Variants in MMAB observed in about 807,000 individuals in gnomAD.
MMAB encodes metabolism of cobalamin associated B.
MMAB carries 17 observed loss-of-function variants against 30.6 expected under a neutral mutation model. The observed-to-expected ratio is 0.56, with a 90% CI of 0.38 to 0.83. The LOEUF (loss-of-function observed/expected upper bound fraction) is 0.83. MMAB is among the 40% of genes least tolerant of loss of function. The pLI, the probability that MMAB is intolerant of heterozygous loss-of-function variation, is 0.00. For synonymous variants in MMAB, 134 were observed against 138.6 expected, an observed-to-expected ratio of 0.97 and a Z score of 0.23; for missense variants, 311 against 331.6, an observed-to-expected ratio of 0.94 and a Z score of 0.48.
At chr12:109,560,970 T>TGGGGGGGGGC in intron 7 of MMAB, 70 bp downstream of exon 7, 2 of 808,200 alleles carry the variant, frequency 2.5e-6, no homozygotes, top group East Asian at 2.8e-5. Context: ...CTCCTCTCCC[T>TGGGGGGGGGC]CTCCCTCCCC....
rs1036985992 is a variant in MMAB, at chr12:109,558,714, C to G, written c.644+382G>C. Among the ~76,000 whole-genome samples, 9 of 152,090 alleles carry G rather than the reference C, an allele frequency of 5.9e-5. No individual in the cohort carries two copies. Among genetic ancestry groups the G allele is most frequent in the Non-Finnish European group, 1.3e-4 (9 of 67,988 alleles). On this transcript the variant is annotated intron_variant, in intron 8 of 8. Coordinates refer to ENST00000545712, the MANE Select transcript of MMAB (RefSeq NM_052845.4). The surrounding 1 kb of genome is among the most constrained non-coding windows in gnomAD (Gnocchi z 4.3). ...CGCAGGCCCTCTCGGGGACAGGAAACTGGCTGAGAGAGGGCCTGAAGCCTG... is the reference window on the plus strand; with the variant it reads ...CGCAGGCCCTCTCGGGGACAGGAAAGTGGCTGAGAGAGGGCCTGAAGCCTG...
At chr12:109,570,873 CAAAA>C (rs111235348) in intron 2 of MMAB, among the ~76,000 whole-genome samples, 5 of 92,370 alleles carry the variant, frequency 5.4e-5, no homozygotes, top group African/African-American at 7.9e-5. Context: ...AACCCTGTAT[CAAAA>C]AAAAAAAAAA....
intron 2 of MMAB, among the ~76,000 whole-genome samples, chr12:109,570,305 C>G (rs1884588553): frequency 6.6e-6 from 1 of 152,068 alleles, no homozygotes; most frequent in South Asian, 2.1e-4. Flanking sequence ...TGCTTCCTAA[C>G]AGGATTCAAT....
Position 109,561,419 on chromosome 12 carries a change from C to A in MMAB, c.519+1G>T. The A allele has an allele frequency of 6.4e-7, 1 of 1,550,648 alleles. No individual in the cohort carries two copies. Among genetic ancestry groups the A allele is most frequent in the Non-Finnish European group, 8.7e-7 (1 of 1,146,750 alleles). Reference sequence around the variant, plus strand: ...CCCGGTTAAGCCTGCCCAGTACCTACAGGCAGGATGAAGGCCGTGAGTGGT... The same window carrying A: ...CCCGGTTAAGCCTGCCCAGTACCTAAAGGCAGGATGAAGGCCGTGAGTGGT... On this transcript the variant is annotated splice_donor_variant, in intron 6 of 8. Coordinates refer to ENST00000545712, the MANE Select transcript of MMAB (RefSeq NM_052845.4). LOFTEE classifies it high-confidence loss of function. The surrounding 1 kb of genome is among the most constrained non-coding windows in gnomAD (Gnocchi z 5.3).
chr12:109,573,378 G>A lies in MMAB; in HGVS notation c.103C>T (p.Arg35Cys), dbSNP rs991822103. Residue 35 changes from arginine (R) to cysteine (C), a missense_variant, in exon 1 of 9, where the codon CGC becomes TGC. Coordinates refer to ENST00000545712, the MANE Select transcript of MMAB (RefSeq NM_052845.4). ...ARLLYPRFQS[R>C]GPQGVEDGDR... ...CCGTCTTCCACGCCCTGAGGGCCGC[G>A]GCTCTGGAAACGGGGATACAGGAGC... 1 of 1,612,916 alleles carries A rather than the reference G, an allele frequency of 6.2e-7. No homozygotes were observed. The highest frequency in any genetic ancestry group is 8.5e-7 in the Non-Finnish European group (1 of 1,179,868).
chr12:109,566,673 T>G (rs904661205), intron 3 of MMAB, among the ~76,000 whole-genome samples: 10 of 152,152 alleles, frequency 6.6e-5, no homozygotes, highest in Non-Finnish European at 1.3e-4. Flanking sequence ...GGGCTGAGGT[T>G]CTGCTCCCTG....
intron 4 of MMAB, among the ~76,000 whole-genome samples, chr12:109,562,945 T>A (rs1884267493): frequency 1.3e-5 from 2 of 152,050 alleles, no homozygotes; most frequent in Admixed American, 6.5e-5. Context: ...CCAGCCAGGG[T>A]CCACTCAAGC....
At chr12:109,559,625 A>G (rs911484836) in intron 7 of MMAB, among the ~76,000 whole-genome samples, 10 of 152,240 alleles carry the variant, frequency 6.6e-5, no homozygotes, top group African/African-American at 2.4e-4. Flanking sequence ...CTGATTCCGC[A>G]GGATTCTGGA....
At chr12:109,572,481 A>G (rs1205254773) in intron 1 of MMAB, among the ~76,000 whole-genome samples, 1 of 143,804 alleles carries the variant, frequency 7.0e-6, no homozygotes, top group Non-Finnish European at 1.5e-5. Flanking sequence ...TGAACTCCTG[A>G]GCTCAAGCAA....
chr12:109,562,927 C>T (rs1341349036), intron 4 of MMAB, among the ~76,000 whole-genome samples: 1 of 152,202 alleles, frequency 6.6e-6, no homozygotes, highest in African/African-American at 2.4e-5. Context: ...CCACCTCTGA[C>T]TTTGTGCCCA....
Position 109,573,426 on chromosome 12 carries a change from G to A in MMAB, c.55C>T (p.Arg19Cys). ...RLGLGSRLGL[R>C]GCFGAARLLY... ...AGCCTGGCGGCGCCGAAGCACCCGCGCAGGCCAAGACGGCTCCCCAGGCCA... is the reference window on the plus strand; with the variant it reads ...AGCCTGGCGGCGCCGAAGCACCCGCACAGGCCAAGACGGCTCCCCAGGCCA... Residue 19 changes from arginine to cysteine, a missense_variant, in exon 1 of 9, where the codon CGC becomes TGC. Transcript: ENST00000545712. 1 of 1,607,468 alleles carries A rather than the reference G, an allele frequency of 6.2e-7. No individual in the cohort carries two copies. Among genetic ancestry groups the A allele is most frequent in the South Asian group, 1.1e-5 (1 of 90,414 alleles).
At position 109,565,068 on chromosome 12, in the gene MMAB, A is replaced by T. The variant is rs754823124; in HGVS notation, c.348+51T>A. The T allele has an allele frequency of 4.2e-6, 6 of 1,432,726 alleles. No homozygotes were observed. The Admixed American group carries it at 1.0e-4, about 24-fold the overall frequency. The allele number at this position is 1,432,726 out of a possible 1,614,324, so 88.8% of individuals were successfully genotyped here. ...TGGTGGCTGGATGCTGAGTCCCGTG[A>T]TGGCCACCGGGGCTGAAGATTCCCA... On this transcript the variant is annotated intron_variant, in intron 4 of 8. Transcript: ENST00000545712.
At chr12:109,557,171 G>C (rs767611519) in intron 8 of MMAB, 35 bp from the exon 9 acceptor site, 64 of 1,426,678 alleles carry the variant, frequency 4.5e-5, no homozygotes, top group Non-Finnish European at 6.2e-5. Flanking sequence ...AAACAGAATG[G>C]TTTGAAATGA....
In MMAB at chr12:109,555,712, C is replaced by T. The variant is rs1883950883; in HGVS notation, c.*1316G>A. Reference sequence around the variant, plus strand: ...CACCTCACCCACCCTGCCCAAGGCTCAAGAGGGCCATCACAGCCTGTCAGC... The same window carrying T: ...CACCTCACCCACCCTGCCCAAGGCTTAAGAGGGCCATCACAGCCTGTCAGC... On this transcript the variant is annotated 3_prime_UTR_variant, in exon 9 of 9. Coordinates refer to ENST00000545712, the MANE Select transcript of MMAB (RefSeq NM_052845.4). 2.2e-6 allele frequency: 1 copy of T among 453,932 alleles called. No individual in the cohort carries two copies. The highest frequency in any genetic ancestry group is 1.6e-5 in the South Asian group (1 of 64,468). 28.1% of individuals were successfully genotyped at this position (453,932 alleles called of 1,614,324 possible). A position where few individuals can be genotyped will look rare whatever the true frequency, so the allele number is the denominator to read the frequency against.
At chr12:109,564,251 G>A (rs1593000850) in intron 4 of MMAB, among the ~76,000 whole-genome samples, 1 of 152,218 alleles carries the variant, frequency 6.6e-6, no homozygotes, top group Admixed American at 6.5e-5. Flanking sequence ...TGCTCAGCGG[G>A]CCCTGAGGGG....
Position 109,554,114 on chromosome 12 carries a change from C to T in MMAB, c.*2914G>A, listed in dbSNP as rs759971406. 113 of 453,940 alleles carry T rather than the reference C, an allele frequency of 2.5e-4. 1 individual carries two copies. The highest frequency in any genetic ancestry group is 4.0e-4 in the Non-Finnish European group (91 of 226,776). 28.1% of individuals were successfully genotyped at this position (453,940 alleles called of 1,614,324 possible). On this transcript the variant is annotated 3_prime_UTR_variant, in exon 9 of 9. Transcript: ENST00000545712. ...GGCAGTGGGTGGGAGCTGAGGAGCA[C>T]GGGGCTGTGAGTGACGAGGCCGCGT... is the stretch of plus-strand genomic sequence containing the variant.
At chr12:109,568,922 T>G (rs1166656100) in intron 2 of MMAB, 59 bp from the exon 3 acceptor site, 8 of 1,213,400 alleles carry the variant, frequency 6.6e-6, no homozygotes, top group Admixed American at 5.2e-5. Flanking sequence ...ATATGCTGTT[T>G]TTTTTTTTTT....
At position 109,558,963 on chromosome 12, in the gene MMAB, T is replaced by C; in HGVS notation, c.644+133A>G. The C allele has an allele frequency of 4.1e-6, 3 of 724,442 alleles. No individual in the cohort carries two copies. The highest frequency in any genetic ancestry group is 2.5e-6 in the Non-Finnish European group (1 of 404,620). 44.9% of individuals were successfully genotyped at this position (724,442 alleles called of 1,614,324 possible). A position where few individuals can be genotyped will look rare whatever the true frequency, so the allele number is the denominator to read the frequency against. On this transcript the variant is annotated intron_variant, in intron 8 of 8. Transcript: ENST00000545712. This position sits in a 1 kb window ranked among gnomAD's most constrained non-coding sequence, Gnocchi z 4.3. The stretch of plus-strand genomic sequence containing the variant: ...GTGCCTGGCACAGAGCAGATGTTCA[T>C]AAACACTAAGGGAATGAAGGAGGGG...
Position 109,558,140 on chromosome 12 carries a change from G to C in MMAB, c.644+956C>G, listed in dbSNP as rs570079421. On this transcript the variant is annotated intron_variant, in intron 8 of 8. Transcript: ENST00000545712. This position sits in a 1 kb window ranked among gnomAD's most constrained non-coding sequence, Gnocchi z 4.3. Reference sequence around the variant, plus strand: ...CCCACGGCTGGCTCTCAGGAAGAGCGAAGGGGAGGTTGTTCAGGGTATTTT... The same window carrying C: ...CCCACGGCTGGCTCTCAGGAAGAGCCAAGGGGAGGTTGTTCAGGGTATTTT... Among the ~76,000 whole-genome samples the C allele has an allele frequency of 6.6e-6, 1 of 152,156 alleles. No homozygotes were observed. The highest frequency in any genetic ancestry group is 1.5e-5 in the Non-Finnish European group (1 of 67,998).
Sources: gnomAD v4.1 joint callset for allele counts (sites outside exome capture counted in the v4.1 genomes callset) on GRCh38, gnomAD v4.1.1 for gene constraint, Gnocchi (gnomAD v3.1) non-coding constraint, MANE v1.5 for transcripts, NCBI Gene and HGNC (gene_info 2026-07-23, HGNC 2026-07-21) for gene names.